The following CTNNA3 variants were observed in gnomAD, a reference collection of about 807,000 sequenced individuals.
CTNNA3 encodes catenin alpha-3.
CTNNA3 carries 76 observed loss-of-function variants against 95.7 expected under a neutral mutation model. That is an observed-to-expected ratio of 0.79 (90% CI 0.66 to 0.96). CTNNA3 has a LOEUF of 0.96. CTNNA3 is among the 40% of genes least tolerant of loss of function. The pLI, the probability that CTNNA3 is intolerant of heterozygous loss-of-function variation, is 0.00. For missense variants in CTNNA3, 1,191 were observed against 1,089.8 expected, an observed-to-expected ratio of 1.09 and a Z score of -1.31; for synonymous variants, 431 against 374.4, an observed-to-expected ratio of 1.15 and a Z score of -1.74.
rs191773714 is a variant in CTNNA3, at chr10:67,190,869, A to G, written c.844-10349T>C. 3.6e-4 allele frequency among the ~76,000 whole-genome samples: 55 copies of G among 152,222 alleles called. No individual in the cohort carries two copies. In the East Asian group the frequency reaches 0.01, roughly 28 times the overall value. ...TATCCGATAAACGATATTATCCAAAACATATGAAGGATTCTTAAAACTCAA... is the reference window on the plus strand; with the variant it reads ...TATCCGATAAACGATATTATCCAAAGCATATGAAGGATTCTTAAAACTCAA... On this transcript the variant is annotated intron_variant, in intron 6 of 17. Coordinates refer to ENST00000433211, the MANE Select transcript of CTNNA3 (RefSeq NM_013266.4).
intron 5 of CTNNA3, among the ~76,000 whole-genome samples, chr10:67,256,348 G>A (rs1589094292): frequency 3.9e-5 from 6 of 152,226 alleles, no homozygotes; most frequent in African/African-American, 1.4e-4. Context: ...AGTCTGAATT[G>A]TTTACTTAAT....
At chr10:65,950,377 C>T (rs2077589257) in intron 17 of CTNNA3, among the ~76,000 whole-genome samples, 1 of 152,080 alleles carries the variant, frequency 6.6e-6, no homozygotes, top group African/African-American at 2.4e-5. Flanking sequence ...CTTTACTATC[C>T]TAGAATCTAC....
chr10:66,775,076 TG>T (rs1387606737), intron 8 of CTNNA3, among the ~76,000 whole-genome samples: 1 of 152,182 alleles, frequency 6.6e-6, no homozygotes, highest in Non-Finnish European at 1.5e-5. Flanking sequence ...AAACTTGCTA[TG>T]GGTCAGGCAC....
At chr10:66,792,881 T>C (rs558747965) in intron 7 of CTNNA3, among the ~76,000 whole-genome samples, 1 of 152,280 alleles carries the variant, frequency 6.6e-6, no homozygotes, top group South Asian at 2.1e-4. Context: ...TCATCTTCTC[T>C]AGAAGTTTAC....
chr10:66,746,059 G>A (rs1049401858), intron 9 of CTNNA3, among the ~76,000 whole-genome samples: 1 of 151,924 alleles, frequency 6.6e-6, no homozygotes, highest in Non-Finnish European at 1.5e-5. Flanking sequence ...ATATGCCATC[G>A]GCATGTTCCT....
chr10:66,508,498 C>T (rs1404145252), intron 11 of CTNNA3, among the ~76,000 whole-genome samples: 2 of 152,052 alleles, frequency 1.3e-5, no homozygotes, highest in Admixed American at 1.3e-4. Context: ...GGTGCAACAG[C>T]TTCCCTATAT....
At chr10:66,061,486 G>A (rs956977575) in intron 15 of CTNNA3, among the ~76,000 whole-genome samples, 8 of 151,934 alleles carry the variant, frequency 5.3e-5, no homozygotes, top group Non-Finnish European at 8.8e-5. Flanking sequence ...ACAGTGCCAC[G>A]CATAAATGCC....
intron 7 of CTNNA3, among the ~76,000 whole-genome samples, chr10:67,050,623 G>A (rs1301216994): frequency 6.6e-6 from 1 of 152,126 alleles, no homozygotes; most frequent in Non-Finnish European, 1.5e-5. Flanking sequence ...TCTTTGGTAC[G>A]CTGAGGCTGA....
chr10:67,694,999 A>T (rs1445667572), intron 1 of CTNNA3, among the ~76,000 whole-genome samples: 1 of 152,182 alleles, frequency 6.6e-6, no homozygotes, highest in Non-Finnish European at 1.5e-5. Context: ...CTACTGAGAT[A>T]ATTTTTTATA....
At chr10:66,954,744 CCTT>C (rs1457663847) in intron 7 of CTNNA3, among the ~76,000 whole-genome samples, 3 of 152,118 alleles carry the variant, frequency 2.0e-5, no homozygotes, top group African/African-American at 7.2e-5. Context: ...GTATACCCTT[CCTT>C]GGCGGAATCG....
intron 12 of CTNNA3, among the ~76,000 whole-genome samples, chr10:66,289,703 T>C (rs2091647353): frequency 6.6e-6 from 1 of 152,052 alleles, no homozygotes; most frequent in Middle Eastern, 3.2e-3. Flanking sequence ...TTCTTTTTCT[T>C]TTTAAAGCTG....
intron 10 of CTNNA3, among the ~76,000 whole-genome samples, chr10:66,536,448 C>G (rs998155182): frequency 2.0e-5 from 3 of 149,124 alleles, no homozygotes; most frequent in Non-Finnish European, 4.4e-5. Flanking sequence ...CGCCACTGCA[C>G]TCCAGCCTGG....
intron 6 of CTNNA3, among the ~76,000 whole-genome samples, chr10:67,182,536 T>C (rs887869102): frequency 2.0e-5 from 3 of 151,932 alleles, no homozygotes; most frequent in African/African-American, 7.3e-5. Flanking sequence ...CAAAAATTAA[T>C]TCAAGAAGGA....
At chr10:66,861,005 A>T (rs1843900422) in intron 7 of CTNNA3, among the ~76,000 whole-genome samples, 1 of 152,176 alleles carries the variant, frequency 6.6e-6, no homozygotes. Flanking sequence ...GAGGCCAGGG[A>T]TACCCTGAAA....
At chr10:67,637,883 C>A (rs887449873) in intron 2 of CTNNA3, among the ~76,000 whole-genome samples, 14 of 152,150 alleles carry the variant, frequency 9.2e-5, no homozygotes, top group Admixed American at 2.6e-4. Flanking sequence ...TGGGAAGGAA[C>A]AACTGGTACC....
At chr10:67,117,698 A>G (rs563835473) in intron 7 of CTNNA3, among the ~76,000 whole-genome samples, 1 of 152,180 alleles carries the variant, frequency 6.6e-6, no homozygotes, top group East Asian at 1.9e-4. Context: ...GGTGATCACA[A>G]GATACAAGGT....
chr10:67,259,626 T>A (rs554809962), intron 5 of CTNNA3, among the ~76,000 whole-genome samples: 1 of 152,284 alleles, frequency 6.6e-6, no homozygotes, highest in East Asian at 1.9e-4. Flanking sequence ...TATACGTCCC[T>A]GAGGTTGCTG....
chr10:67,088,720 A>G (rs1359993266), intron 7 of CTNNA3, among the ~76,000 whole-genome samples: 1 of 152,038 alleles, frequency 6.6e-6, no homozygotes, highest in Non-Finnish European at 1.5e-5. Flanking sequence ...GTTTTTGCAC[A>G]AATACCACTA....
chr10:67,365,556 G>A (rs1351829896), intron 5 of CTNNA3, among the ~76,000 whole-genome samples: 1 of 152,132 alleles, frequency 6.6e-6, no homozygotes, highest in African/African-American at 2.4e-5. Context: ...CCATCAAAAA[G>A]TGGGCAAAGG....
Sources: gnomAD v4.1 joint callset for allele counts (sites outside exome capture counted in the v4.1 genomes callset) on GRCh38, gnomAD v4.1.1 for gene constraint, MANE v1.5 for transcripts, NCBI Gene and HGNC (gene_info 2026-07-23, HGNC 2026-07-21) for gene names.